The following YIPF6 variants were observed in gnomAD, a reference collection of about 807,000 sequenced individuals.
The protein encoded by YIPF6 is protein YIPF6.
Under a neutral mutation model 16.8 loss-of-function variants are expected in YIPF6, and 3 were observed. The observed-to-expected ratio is 0.18, with a 90% confidence interval of 0.08 to 0.46. The LOEUF (loss-of-function observed/expected upper bound fraction) is 0.46, where lower values mean the gene tolerates loss of function less well. Among genes scored for constraint, YIPF6 ranks in the 20% least tolerant of loss-of-function variants. YIPF6 has a pLI of 0.98. For synonymous variants in YIPF6, 67 were observed against 61.9 expected (o/e 1.08, Z -0.38); for missense variants, 145 against 184.9 (o/e 0.78, Z 1.25).
intron 1 of YIPF6, among the ~76,000 whole-genome samples, chrX:68,506,893 G>A (rs5964679): frequency 0.096 from 10,624 of 111,072 alleles, 1,123 homozygotes; most frequent in African/African-American, 0.31. Context: ...GGAACTATAG[G>A]TGTGTGCCAC....
intron 6 of YIPF6, among the ~76,000 whole-genome samples, chrX:68,527,690 CA>C (rs1005545730): frequency 4.2e-4 from 47 of 111,788 alleles, no homozygotes; most frequent in Middle Eastern, 4.6e-3. Context: ...TTATTGGTTT[CA>C]AAAAACTTGT....
intron 3 of YIPF6, chrX:68,514,652 AC>A (rs1191075254): frequency 8.9e-6 from 1 of 112,472 alleles, no homozygotes; most frequent in Non-Finnish European, 1.9e-5. Flanking sequence ...GAAGTGATCC[AC>A]CTGCCTTGGC....
intron 1 of YIPF6, among the ~76,000 whole-genome samples, chrX:68,499,783 G>A (rs770910192): frequency 1.8e-5 from 2 of 112,063 alleles, no homozygotes; most frequent in Non-Finnish European, 3.8e-5. Flanking sequence ...GACCACAGGT[G>A]CGTGTCACCA....
Position 68,536,795 on chromosome X carries a change from A to G in YIPF6, c.*4796A>G, listed in dbSNP as rs1299194738. ...TCTCTCCCGCTTCCACCACCACCAC[A>G]CATATATACCCCTTTTTCTCAGTCT... is the stretch of plus-strand genomic sequence containing the variant. On this transcript the variant is annotated 3_prime_UTR_variant, in exon 7 of 7. Coordinates refer to ENST00000462683, the MANE Select transcript of YIPF6 (RefSeq NM_173834.4). 2 of 111,522 alleles carry G rather than the reference A, an allele frequency of 1.8e-5. No homozygotes were observed. The highest frequency in any genetic ancestry group is 9.6e-5 in the Admixed American group (1 of 10,462). 9.2% of individuals were successfully genotyped at this position (111,522 alleles called of 1,213,427 possible).
intron 4 of YIPF6, 108 bp from the exon 5 acceptor site, chrX:68,521,264 A>G: frequency 1.1e-6 from 1 of 922,684 alleles, no homozygotes; most frequent in Non-Finnish European, 1.5e-6. Context: ...ACAGATCTTC[A>G]GGTGAGGTAT....
rs2079179034 is a variant in YIPF6, at chrX:68,533,282, C to A, written c.*1283C>A. The A allele has an allele frequency of 9.0e-6, 1 of 111,586 alleles. No homozygotes were observed. The highest frequency in any genetic ancestry group is 1.9e-5 in the Non-Finnish European group (1 of 53,155). The allele number at this position is 111,586 out of a possible 1,213,427, so 9.2% of individuals were successfully genotyped here. Reference sequence around the variant, plus strand: ...ACAAGTGTGAAGGTTTTTCAGGGAGCAGAGCATCTGGGACAGGCTGATTCT... The same window carrying A: ...ACAAGTGTGAAGGTTTTTCAGGGAGAAGAGCATCTGGGACAGGCTGATTCT... On this transcript the variant is annotated 3_prime_UTR_variant, in exon 7 of 7. Coordinates refer to ENST00000462683, the MANE Select transcript of YIPF6 (RefSeq NM_173834.4).
At chrX:68,499,841 T>C (rs1057007437) in intron 1 of YIPF6, among the ~76,000 whole-genome samples, 3 of 111,834 alleles carry the variant, frequency 2.7e-5, no homozygotes, top group Non-Finnish European at 5.6e-5. Context: ...GGTTTTACCA[T>C]GTTGCCCAGG....
At chrX:68,510,629 T>A (rs923024374) in intron 1 of YIPF6, 9 of 110,168 alleles carry the variant, frequency 8.2e-5, no homozygotes, top group African/African-American at 2.9e-4. Flanking sequence ...ATTTTTTGTA[T>A]TTTTTTGTAT....
chrX:68,508,332 TG>T lies in YIPF6; in HGVS notation c.58-3515del, dbSNP rs766546012. ...TTGCCCAGGCTGGTCTGGAACTCCCTGGCTCAAGCAATCTGTCTGCCTTGGC... is the reference window on the plus strand; with the variant it reads ...TTGCCCAGGCTGGTCTGGAACTCCCTGCTCAAGCAATCTGTCTGCCTTGGC... On this transcript the variant is annotated intron_variant, in intron 1 of 6. Coordinates refer to ENST00000462683, the MANE Select transcript of YIPF6 (RefSeq NM_173834.4). 1.6e-4 allele frequency among the ~76,000 whole-genome samples: 18 copies of T among 110,504 alleles called. No homozygotes were observed. The East Asian group carries it at 2.0e-3, about 12-fold the overall frequency.
At chrX:68,516,191 T>G (rs1236285555) in intron 3 of YIPF6, among the ~76,000 whole-genome samples, 1 of 112,054 alleles carries the variant, frequency 8.9e-6, no homozygotes, top group East Asian at 2.8e-4. Context: ...TTACCCAGGC[T>G]GAACTTTTTA....
intron 2 of YIPF6, 150 bp downstream of exon 2, chrX:68,512,127 A>G: frequency 1.5e-6 from 1 of 681,779 alleles, no homozygotes; most frequent in Non-Finnish European, 2.0e-6. Flanking sequence ...AATTTGGTAC[A>G]GCCTTTTTGG....
At chrX:68,526,386 G>A (rs2079147927) in intron 6 of YIPF6, among the ~76,000 whole-genome samples, 7 of 111,915 alleles carry the variant, frequency 6.3e-5, no homozygotes, top group Admixed American at 4.8e-4. Flanking sequence ...TATGGGCTGA[G>A]ACGATGGGGT....
rs1044616080 is a variant in YIPF6 at position 68,536,494 on chromosome X, A to G, written c.*4495A>G. 2 of 111,072 alleles carry G rather than the reference A, an allele frequency of 1.8e-5. No homozygotes were observed. The highest frequency in any genetic ancestry group is 3.8e-5 in the Non-Finnish European group (2 of 53,024). 9.2% of individuals were successfully genotyped at this position (111,072 alleles called of 1,213,427 possible). A position where few individuals can be genotyped will look rare whatever the true frequency, so the allele number is the denominator to read the frequency against. ...TTCCATTTTTATGTACCTGAAATGA[A>G]TACACCCCTCCCCCAAGGTATTTTC... is the stretch of plus-strand genomic sequence containing the variant. On this transcript the variant is annotated 3_prime_UTR_variant, in exon 7 of 7. Transcript: ENST00000462683.
chrX:68,516,095 C>T (rs2079101561), intron 3 of YIPF6, among the ~76,000 whole-genome samples: 1 of 111,184 alleles, frequency 9.0e-6, no homozygotes, highest in Non-Finnish European at 1.9e-5. Flanking sequence ...TGCACTCCAG[C>T]CTGGGTGAAA....
intron 1 of YIPF6, chrX:68,510,814 G>A (rs2079078359): frequency 9.0e-6 from 1 of 111,392 alleles, no homozygotes; most frequent in African/African-American, 3.3e-5. Flanking sequence ...TGTATTTTTA[G>A]TAGAGATGGG....
At chrX:68,529,543 G>C (rs1167594699) in intron 6 of YIPF6, among the ~76,000 whole-genome samples, 1 of 110,831 alleles carries the variant, frequency 9.0e-6, no homozygotes, top group Non-Finnish European at 1.9e-5. Context: ...TCCTTTGGAG[G>C]AGAAGAGACA....
intron 4 of YIPF6, 22 bp from the exon 5 acceptor site, chrX:68,521,350 T>C (rs989891694): frequency 2.1e-5 from 25 of 1,204,736 alleles, no homozygotes; most frequent in Non-Finnish European, 2.8e-5. Flanking sequence ...TAAGCAATTC[T>C]TACGCTGTTT....
intron 1 of YIPF6, among the ~76,000 whole-genome samples, chrX:68,505,013 T>C (rs1477979159): frequency 8.9e-6 from 1 of 112,053 alleles, no homozygotes; most frequent in Non-Finnish European, 1.9e-5. Context: ...TGTACTACAA[T>C]GCTTCTCCTA....
chrX:68,530,485 C>T (rs970880392), intron 6 of YIPF6, among the ~76,000 whole-genome samples: 3 of 110,365 alleles, frequency 2.7e-5, no homozygotes, highest in African/African-American at 9.9e-5. Context: ...ACTTCTGTCT[C>T]GCTGGTGTTC....
Sources: gnomAD v4.1 joint callset for allele counts (sites outside exome capture counted in the v4.1 genomes callset) on GRCh38, gnomAD v4.1.1 for gene constraint, MANE v1.5 for transcripts, NCBI Gene and HGNC (gene_info 2026-07-23, HGNC 2026-07-21) for gene names.